Variants in RPA1 observed in about 807,000 individuals in gnomAD.
The protein encoded by RPA1 is replication protein A 70 kDa DNA-binding subunit.
A neutral mutation model predicts 83.0 loss-of-function variants in RPA1; 49 were observed. The ratio of observed to expected loss-of-function variants is 0.59; its 90% CI spans 0.47 to 0.75. The LOEUF (loss-of-function observed/expected upper bound fraction) is 0.75. Among genes scored for constraint, RPA1 ranks in the 30% least tolerant of loss-of-function variants. The pLI is 0.00. For missense variants in RPA1, 693 were observed against 776.1 expected (o/e 0.89, Z 1.27); for synonymous variants, 279 against 281.8 (o/e 0.99, Z 0.10).
At position 1,874,032 on chromosome 17, in the gene RPA1, T is replaced by TATAC. The variant is rs1171343408; in HGVS notation, c.454+1507_454+1508insTACA. 1.9e-3 allele frequency among the ~76,000 whole-genome samples: 151 copies of TATAC among 79,204 alleles called. 2 individuals carry two copies. Among genetic ancestry groups the TATAC allele is most frequent in the African/African-American group, 7.9e-3 (126 of 15,860 alleles). The allele number at this position is 79,204 out of a possible 152,430, so 52.0% of individuals were successfully genotyped here. A position where few individuals can be genotyped will look rare whatever the true frequency, so the allele number is the denominator to read the frequency against. On this transcript the variant is annotated intron_variant, in intron 6 of 16. Coordinates refer to ENST00000254719, the MANE Select transcript of RPA1 (RefSeq NM_002945.5). Reference sequence around the variant, plus strand: ...AAAAAAATATATATATATATATATATACACACACACACACACACACACACA... The same window carrying TATAC: ...AAAAAAATATATATATATATATATATATACACACACACACACACACACACACACA...
intron 1 of RPA1, among the ~76,000 whole-genome samples, chr17:1,831,765 A>ATTTTT (rs546771069): frequency 6.6e-6 from 1 of 150,820 alleles, no homozygotes; most frequent in Non-Finnish European, 1.5e-5. Flanking sequence ...CGCCCGGCTA[A>ATTTTT]TTTTTTGTAT....
intron 5 of RPA1, chr17:1,858,431 G>C (rs1912803059): frequency 6.7e-7 from 1 of 1,497,506 alleles, no homozygotes; most frequent in Non-Finnish European, 9.3e-7. Context: ...ACGTGTCTCA[G>C]CAACAGCGCA....
At chr17:1,886,670 C>G (rs938500392) in intron 13 of RPA1, among the ~76,000 whole-genome samples, 1 of 151,658 alleles carries the variant, frequency 6.6e-6, no homozygotes, top group Non-Finnish European at 1.5e-5. Flanking sequence ...ACCTCATGAA[C>G]CAACATCTGC....
intron 5 of RPA1, among the ~76,000 whole-genome samples, chr17:1,856,545 G>T (rs1350579567): frequency 1.3e-5 from 2 of 152,108 alleles, no homozygotes; most frequent in Non-Finnish European, 2.9e-5. Context: ...GTTGCAGTGA[G>T]CTGAGATCAT....
chr17:1,833,288 A>G (rs1911690377), intron 1 of RPA1, among the ~76,000 whole-genome samples: 1 of 152,130 alleles, frequency 6.6e-6, no homozygotes, highest in Non-Finnish European at 1.5e-5. Context: ...TCTGCATTGT[A>G]TCCCCAATAC....
rs1227541083 is a variant in RPA1 at position 1,880,647 on chromosome 17, C to T, written c.1197C>T (p.Ile399=). The change falls in exon 12 of 17, where the codon ATC becomes ATT. Residue 399 remains isoleucine, a synonymous_variant. Transcript: ENST00000254719. ...RSLSVLSSST[I]IANPDIPEAY... ...TCTCCGTGCTGTCTTCAAGCACTAT[C>T]ATTGCGAATCCTGACATCCCAGAGG... 1.2e-6 allele frequency: 2 copies of T among 1,613,888 alleles called. No individual in the cohort carries two copies. Among genetic ancestry groups the T allele is most frequent in the Non-Finnish European group, 1.7e-6 (2 of 1,180,034 alleles).
chr17:1,849,541 C>T (rs1308639295), intron 4 of RPA1, among the ~76,000 whole-genome samples: 1 of 151,874 alleles, frequency 6.6e-6, no homozygotes, highest in Non-Finnish European at 1.5e-5. Flanking sequence ...ATCTGCCCAC[C>T]TCGGCCTCCC....
intron 15 of RPA1, among the ~76,000 whole-genome samples, chr17:1,892,422 T>C (rs1330033434): frequency 6.6e-6 from 1 of 152,230 alleles, no homozygotes; most frequent in Non-Finnish European, 1.5e-5. Flanking sequence ...TTATCTAATC[T>C]TGTCCATTTG....
intron 14 of RPA1, 190 bp from the exon 15 acceptor site, chr17:1,891,643 C>G: frequency 2.7e-6 from 1 of 377,126 alleles, no homozygotes; most frequent in Non-Finnish European, 4.8e-6. Context: ...TGGTTTCAAA[C>G]TCCTGGCCTC....
intron 4 of RPA1, among the ~76,000 whole-genome samples, chr17:1,851,777 A>T (rs149844331): frequency 1.3e-5 from 2 of 152,176 alleles, no homozygotes; most frequent in Non-Finnish European, 2.9e-5. Flanking sequence ...TATTACAGGG[A>T]ATCTAGATAC....
chr17:1,889,099 G>A (rs1254160317), intron 14 of RPA1, among the ~76,000 whole-genome samples: 2 of 152,142 alleles, frequency 1.3e-5, no homozygotes, highest in Admixed American at 6.5e-5. Context: ...TAACTGCTAT[G>A]AAGATAAATT....
intron 5 of RPA1, among the ~76,000 whole-genome samples, chr17:1,855,331 T>TTGTGTG (rs141755840): frequency 4.4e-5 from 3 of 68,302 alleles, no homozygotes; most frequent in East Asian, 7.3e-4. Context: ...CCGGCTAAAA[T>TTGTGTG]TGTGTGTGTG....
intron 5 of RPA1, among the ~76,000 whole-genome samples, chr17:1,864,557 A>T (rs549338192): frequency 3.4e-4 from 52 of 152,068 alleles, no homozygotes; most frequent in Non-Finnish European, 6.5e-4. Context: ...AATAAATAAA[A>T]ATAACTTTAA....
At chr17:1,863,655 G>A (rs1006992695) in intron 5 of RPA1, among the ~76,000 whole-genome samples, 5 of 152,186 alleles carry the variant, frequency 3.3e-5, no homozygotes, top group South Asian at 2.1e-4. Context: ...GCAGGGGGCC[G>A]ACATCAAAAT....
intron 1 of RPA1, among the ~76,000 whole-genome samples, chr17:1,832,228 G>C (rs891038031): frequency 1.3e-5 from 2 of 149,482 alleles, no homozygotes; most frequent in Admixed American, 6.7e-5. Flanking sequence ...ACCGCACCCG[G>C]CCCTGAACAT....
At chr17:1,890,252 T>C (rs1023861419) in intron 14 of RPA1, among the ~76,000 whole-genome samples, 4 of 151,934 alleles carry the variant, frequency 2.6e-5, no homozygotes, top group Non-Finnish European at 4.4e-5. Flanking sequence ...TTGTCCCAGC[T>C]ACTCATGAGG....
intron 5 of RPA1, among the ~76,000 whole-genome samples, chr17:1,865,128 A>G (rs1203999033): frequency 6.6e-6 from 1 of 152,214 alleles, no homozygotes; most frequent in Non-Finnish European, 1.5e-5. Context: ...AGGTAGAGGA[A>G]ACTGTTGTAG....
chr17:1,882,965 C>A (rs746295443), intron 12 of RPA1, among the ~76,000 whole-genome samples: 4 of 152,148 alleles, frequency 2.6e-5, no homozygotes, highest in Non-Finnish European at 5.9e-5. Context: ...GGCACTGATT[C>A]TCTTCACCAC....
chr17:1,855,016 A>G (rs1268354984), intron 5 of RPA1, among the ~76,000 whole-genome samples: 2 of 152,216 alleles, frequency 1.3e-5, no homozygotes, highest in Non-Finnish European at 2.9e-5. Context: ...GAGTCTTTTT[A>G]TCAGAAGTAA....
Sources: gnomAD v4.1 joint callset for allele counts (sites outside exome capture counted in the v4.1 genomes callset) on GRCh38, gnomAD v4.1.1 for gene constraint, MANE v1.5 for transcripts, NCBI Gene and HGNC (gene_info 2026-07-23, HGNC 2026-07-21) for gene names.